TANC2: variants seen among roughly 807,000 people sequenced by gnomAD.
The protein encoded by TANC2 is protein TANC2.
In TANC2, 26 loss-of-function variants were observed where a neutral mutation model predicts 210.5. The observed-to-expected ratio is 0.12, with a 90% confidence interval of 0.09 to 0.17. TANC2 has a LOEUF of 0.17. Ranked by LOEUF, TANC2 falls within the 10% of genes least tolerant of loss-of-function variation. TANC2 has a pLI of 1.00. For missense variants in TANC2, 2,129 were observed against 2,608.9 expected (o/e 0.82, Z 4.01); for synonymous variants, 931 against 967.1 (o/e 0.96, Z 0.69).
chr17:63,411,445 C>A, intron 21 of TANC2, 66 bp from the exon 22 acceptor site: 1 of 1,480,102 alleles, frequency 6.8e-7, no homozygotes, highest in Non-Finnish European at 9.1e-7. Context: ...GCCCCTTCAG[C>A]GTACTTCCCC....
chr17:63,221,472 A>G (rs547954964), intron 7 of TANC2, among the ~76,000 whole-genome samples: 17 of 151,740 alleles, frequency 1.1e-4, no homozygotes, highest in Non-Finnish European at 1.8e-4. Context: ...AAAGAAAATG[A>G]AAAGGGAAAT....
intron 14 of TANC2, among the ~76,000 whole-genome samples, chr17:63,377,016 G>A (rs1399132790): frequency 6.6e-6 from 1 of 151,992 alleles, no homozygotes; most frequent in African/African-American, 2.4e-5. Flanking sequence ...GAGGCTTGGG[G>A]CTTGCACCCT....
rs1294039361 is a variant in TANC2, at chr17:63,331,136, A to C, written c.1576-8965A>C. Among the ~76,000 whole-genome samples, 4 of 152,224 alleles carry C rather than the reference A, an allele frequency of 2.6e-5. No homozygotes were observed. The East Asian group carries it at 7.7e-4, about 29-fold the overall frequency. On this transcript the variant is annotated intron_variant, in intron 11 of 27. Coordinates refer to ENST00000689528, the Ensembl canonical transcript of TANC2. Reference sequence around the variant, plus strand: ...TTGACATTGCCAAGTGTGTTTCCAAATATTCTTAGAAAATATGGTTTTTAA... The same window carrying C: ...TTGACATTGCCAAGTGTGTTTCCAACTATTCTTAGAAAATATGGTTTTTAA...
chr17:63,278,061 C>T (rs1598758830), intron 9 of TANC2, among the ~76,000 whole-genome samples: 1 of 152,058 alleles, frequency 6.6e-6, no homozygotes, highest in Non-Finnish European at 1.5e-5. Flanking sequence ...GTCCCAACTA[C>T]TCAGGAGGAT....
intron 1 of TANC2, among the ~76,000 whole-genome samples, chr17:63,008,750 C>A (rs1024311618): frequency 3.4e-5 from 5 of 148,696 alleles, no homozygotes; most frequent in African/African-American, 1.2e-4. Flanking sequence ...GGAATAAGCA[C>A]GGATTCATGC....
chr17:63,158,804 C>T (rs1284103371), intron 5 of TANC2, among the ~76,000 whole-genome samples: 1 of 152,208 alleles, frequency 6.6e-6, no homozygotes. Context: ...TAGCAGGGTT[C>T]TGTGGCTCTC....
intron 5 of TANC2, chr17:63,182,127 G>A (rs544408458): frequency 2.6e-5 from 4 of 152,622 alleles, no homozygotes; most frequent in Non-Finnish European, 5.8e-5. Context: ...TGACACCACC[G>A]CTCATGTCCT....
Position 63,420,324 on chromosome 17 carries a change from C to T in TANC2, c.4594C>T (p.Pro1532Ser), listed in dbSNP as rs2048986212. ...CATCCAGAGCCCACCCTCCTCTCCC[C>T]CGCATCGGGACTCAGCCTACATCTC... is the stretch of plus-strand genomic sequence containing the variant. Residue 1532 changes from proline (P) to serine (S), a missense_variant, in exon 28 of 28, where the codon CCG becomes TCG. Pro to Ser is a moderately conservative substitution (Grantham distance 74). Transcript: ENST00000689528. The surrounding 1 kb of genome is among the most constrained non-coding windows in gnomAD (Gnocchi z 4.2). 6.2e-7 allele frequency: 1 copy of T among 1,614,014 alleles called. No homozygotes were observed. The highest frequency in any genetic ancestry group is 1.3e-5 in the African/African-American group (1 of 75,064).
chr17:63,270,320 T>C (rs1316513071), intron 9 of TANC2, among the ~76,000 whole-genome samples: 5 of 152,174 alleles, frequency 3.3e-5, no homozygotes, highest in Non-Finnish European at 7.4e-5. Flanking sequence ...AGATAAACTT[T>C]CCTTATGTTT....
intron 12 of TANC2, among the ~76,000 whole-genome samples, chr17:63,340,677 A>G (rs1019246924): frequency 4.6e-5 from 7 of 152,316 alleles, no homozygotes; most frequent in African/African-American, 1.7e-4. Flanking sequence ...TTCTATGGTT[A>G]GAAATCCCCC....
rs1180989630 is a variant in TANC2, at chr17:63,421,125, C to T, written c.5395C>T (p.Pro1799Ser). The T allele has an allele frequency of 6.2e-7, 1 of 1,613,994 alleles. No homozygotes were observed. Among genetic ancestry groups the T allele is most frequent in the Admixed American group, 1.7e-5 (1 of 60,030 alleles). Residue 1799 changes from proline (P) to serine (S), a missense_variant, in exon 28 of 28, where the codon CCA (proline) becomes TCA (serine). By Grantham distance (74) the Pro-to-Ser change is moderately conservative. Around this residue, in one of 5 missense-constraint regions of TANC2, gnomAD observed 584 missense variants for 627.3 expected, o/e 0.93. Transcript: ENST00000689528. This position sits in a 1 kb window ranked among gnomAD's most constrained non-coding sequence, Gnocchi z 6.9. The stretch of plus-strand genomic sequence containing the variant: ...AGGTGGCGTGAGATACAGCCAGACA[C>T]CACAGATCGGACGCAGCCAGTCAGC...
intron 9 of TANC2, among the ~76,000 whole-genome samples, chr17:63,284,879 G>A (rs1464972823): frequency 6.6e-6 from 1 of 151,880 alleles, no homozygotes; most frequent in African/African-American, 2.4e-5. Flanking sequence ...ATTATTCCTT[G>A]TAGTTTTTGC....
At chr17:62,986,502 A>G (rs2032573195) in intron 1 of TANC2, among the ~76,000 whole-genome samples, 1 of 150,956 alleles carries the variant, frequency 6.6e-6, no homozygotes, top group Non-Finnish European at 1.5e-5. Context: ...GTCCGGGGAT[A>G]TATCTGCTTG....
intron 9 of TANC2, among the ~76,000 whole-genome samples, chr17:63,282,591 CTT>C (rs998732280): frequency 5.3e-5 from 8 of 152,056 alleles, no homozygotes; most frequent in African/African-American, 1.9e-4. Context: ...ATATGTTTAA[CTT>C]TTTAAGAAAC....
chr17:63,015,174 C>G (rs2034051038), intron 2 of TANC2, among the ~76,000 whole-genome samples: 1 of 151,634 alleles, frequency 6.6e-6, no homozygotes, highest in South Asian at 2.1e-4. Context: ...TCAACGTAGT[C>G]TTTAGTTTAA....
intron 4 of TANC2, among the ~76,000 whole-genome samples, chr17:63,101,527 A>T (rs1406774553): frequency 6.6e-6 from 1 of 152,158 alleles, no homozygotes; most frequent in Non-Finnish European, 1.5e-5. Context: ...TTTGCTTATT[A>T]TTCTTCAGTG....
At chr17:63,128,732 T>A (rs1427097350) in intron 4 of TANC2, among the ~76,000 whole-genome samples, 1 of 152,216 alleles carries the variant, frequency 6.6e-6, no homozygotes, top group African/African-American at 2.4e-5. Context: ...TATTTTTCGG[T>A]AGCCCTGACC....
At chr17:63,360,037 A>T (rs2046912688) in intron 14 of TANC2, among the ~76,000 whole-genome samples, 1 of 152,226 alleles carries the variant, frequency 6.6e-6, no homozygotes, top group South Asian at 2.1e-4. Flanking sequence ...GTCAGAGAAC[A>T]AGCAGTTTGT....
intron 2 of TANC2, among the ~76,000 whole-genome samples, chr17:63,027,522 C>A (rs1267865543): frequency 6.6e-6 from 1 of 151,758 alleles, no homozygotes; most frequent in African/African-American, 2.4e-5. Flanking sequence ...TCTTAGAGAA[C>A]TTTATTTCAA....
Sources: allele counts gnomAD v4.1 joint callset (sites outside exome capture counted in the v4.1 genomes callset), GRCh38; gene constraint gnomAD v4.1.1; regional missense constraint gnomAD v4.1.1; non-coding constraint Gnocchi (gnomAD v3.1); transcripts MANE v1.5; gene names NCBI Gene and HGNC (gene_info 2026-07-23, HGNC 2026-07-21).